Variants in RHPN2 observed in about 807,000 individuals in gnomAD.
The protein encoded by RHPN2 is rhophilin-2.
RHPN2 carries 40 observed loss-of-function variants against 79.0 expected under a neutral mutation model. That is an observed-to-expected ratio of 0.51 (90% CI 0.39 to 0.66). The LOEUF (loss-of-function observed/expected upper bound fraction) is 0.66, where lower values mean the gene tolerates loss of function less well. RHPN2 is among the 30% of genes least tolerant of loss of function. RHPN2 has a pLI of 0.00. For synonymous variants in RHPN2, 285 were observed against 363.5 expected (o/e 0.78, Z 2.46); for missense variants, 686 against 883.5 (o/e 0.78, Z 2.83).
chr19:32,990,123 A>C lies in RHPN2; in HGVS notation c.1800+391T>G, dbSNP rs1211469268. On this transcript the variant is annotated intron_variant, in intron 14 of 14. Transcript: ENST00000254260. Reference sequence around the variant, plus strand: ...CCGTCTCAAAAAAAAAATAAAATTAAAAAAGAAAATGAATAAAGAAAGAAA... The same window carrying C: ...CCGTCTCAAAAAAAAAATAAAATTACAAAAGAAAATGAATAAAGAAAGAAA... Among the ~76,000 whole-genome samples the C allele has an allele frequency of 7.3e-5, 11 of 150,206 alleles. 1 individual carries two copies. The highest frequency in any genetic ancestry group is 2.7e-4 in the African/African-American group (11 of 40,704).
intron 4 of RHPN2, 93 bp from the exon 5 acceptor site, chr19:33,012,817 A>C (rs1223770238): frequency 1.3e-6 from 1 of 744,284 alleles, no homozygotes; most frequent in Non-Finnish European, 2.4e-6. Context: ...CCATTTTTAA[A>C]AAGGCAGAAT....
At chr19:32,993,551 T>C (rs1203919525) in intron 12 of RHPN2, among the ~76,000 whole-genome samples, 1 of 152,094 alleles carries the variant, frequency 6.6e-6, no homozygotes, top group Non-Finnish European at 1.5e-5. Context: ...CCAAAGTTTG[T>C]ATATTAAAAT....
chr19:33,034,605 CAAA>C (rs71176187), intron 2 of RHPN2, among the ~76,000 whole-genome samples: 3 of 95,700 alleles, frequency 3.1e-5, no homozygotes, highest in Admixed American at 1.3e-4. Context: ...GACTCCGTCT[CAAA>C]AAAAAAAAAA....
intron 10 of RHPN2, among the ~76,000 whole-genome samples, chr19:32,997,504 T>C (rs954978104): frequency 3.3e-5 from 5 of 150,904 alleles, no homozygotes; most frequent in Admixed American, 3.3e-4. Context: ...TTTTTTTCTT[T>C]CTTGAGACGG....
intron 10 of RHPN2, among the ~76,000 whole-genome samples, chr19:32,998,917 G>A (rs1200424892): frequency 1.5e-5 from 2 of 134,246 alleles, no homozygotes; most frequent in Admixed American, 1.6e-4. Flanking sequence ...GAAGGGGAGC[G>A]GAGGGTAACA....
chr19:33,013,122 C>A (rs1971848739), intron 4 of RHPN2, among the ~76,000 whole-genome samples: 2 of 151,776 alleles, frequency 1.3e-5, no homozygotes, highest in African/African-American at 4.8e-5. Context: ...GTGATCCCCC[C>A]ACCTCGCCCT....
At chr19:33,030,570 G>A (rs1972003080) in intron 2 of RHPN2, among the ~76,000 whole-genome samples, 1 of 151,984 alleles carries the variant, frequency 6.6e-6, no homozygotes, top group Admixed American at 6.6e-5. Flanking sequence ...ACCAGCCTGG[G>A]TGACAGAGCA....
At chr19:32,987,927 T>A (rs1248076233) in intron 14 of RHPN2, among the ~76,000 whole-genome samples, 2 of 152,092 alleles carry the variant, frequency 1.3e-5, no homozygotes, top group African/African-American at 2.4e-5. Context: ...ATGCCTGTAA[T>A]CCCAACACTT....
At chr19:33,009,566 T>C (rs2145236701) in intron 6 of RHPN2, among the ~76,000 whole-genome samples, 1 of 152,246 alleles carries the variant, frequency 6.6e-6, no homozygotes, top group Non-Finnish European at 1.5e-5. Context: ...TCCTCCCATC[T>C]GAGCCTCCCA....
At chr19:33,029,200 C>T (rs915078355) in intron 2 of RHPN2, among the ~76,000 whole-genome samples, 1 of 151,684 alleles carries the variant, frequency 6.6e-6, no homozygotes, top group Non-Finnish European at 1.5e-5. Context: ...TAGCATGGTA[C>T]TGACATAAAG....
chr19:32,999,480 AC>A, intron 10 of RHPN2, 105 bp downstream of exon 10: 4 of 1,421,836 alleles, frequency 2.8e-6, no homozygotes, highest in Non-Finnish European at 3.9e-6. Context: ...GACTCGGAAC[AC>A]CCCCCTCTCC....
rs148422975 is a variant in RHPN2 at position 33,003,537 on chromosome 19, T to C, written c.761-537A>G. ...AATGACACTTGAACACCCGTGTTAA[T>C]AGCAACATTATTCACAAGAGCTGAA... On this transcript the variant is annotated intron_variant, in intron 7 of 14. Coordinates refer to ENST00000254260, the MANE Select transcript of RHPN2 (RefSeq NM_033103.5). Among the ~76,000 whole-genome samples the C allele has an allele frequency of 1.8e-3, 280 of 152,154 alleles. 1 individual carries two copies. The highest frequency in any genetic ancestry group is 6.4e-3 in the African/African-American group (264 of 41,528).
rs138598166 is a variant in RHPN2, at chr19:32,999,518, G to C, written c.1225+68C>G. Reference sequence around the variant, plus strand: ...GGGCCCTCTTCAGGGACCTCTCTGTGGCTGGCTGTGAGCAGGACCAGCTGG... The same window carrying C: ...GGGCCCTCTTCAGGGACCTCTCTGTCGCTGGCTGTGAGCAGGACCAGCTGG... On this transcript the variant is annotated intron_variant, in intron 10 of 14. Coordinates refer to ENST00000254260, the MANE Select transcript of RHPN2 (RefSeq NM_033103.5). 824 of 1,576,874 alleles carry C rather than the reference G, an allele frequency of 5.2e-4. 4 individuals carry two copies. The African/African-American group carries it at 0.01, about 20-fold the overall frequency.
At chr19:32,985,561 C>T (rs1971607739) in intron 14 of RHPN2, among the ~76,000 whole-genome samples, 1 of 152,092 alleles carries the variant, frequency 6.6e-6, no homozygotes, top group South Asian at 2.1e-4. Context: ...CACGTAAGCC[C>T]AAGAGTCAAG....
chr19:33,021,519 G>A (rs1179208682), intron 4 of RHPN2, 52 bp downstream of exon 4: 3 of 1,447,842 alleles, frequency 2.1e-6, no homozygotes, highest in Non-Finnish European at 2.9e-6. Context: ...ACTGCAAATG[G>A]CCTATTTCCA....
chr19:33,045,098 A>G (rs1219702031), intron 1 of RHPN2, among the ~76,000 whole-genome samples: 1 of 138,266 alleles, frequency 7.2e-6, no homozygotes, highest in African/African-American at 2.8e-5. Context: ...CGTGCCTAGG[A>G]TGCAGTGCAG....
chr19:33,036,583 T>C (rs1972057487), intron 2 of RHPN2, among the ~76,000 whole-genome samples: 2 of 152,154 alleles, frequency 1.3e-5, no homozygotes, highest in South Asian at 4.1e-4. Flanking sequence ...TGGGAGCCCC[T>C]TTCTGGGCTG....
chr19:33,000,393 G>T (rs533126846), intron 9 of RHPN2, among the ~76,000 whole-genome samples: 72 of 151,658 alleles, frequency 4.7e-4, no homozygotes, highest in African/African-American at 1.6e-3. Flanking sequence ...GCTAATTTTT[G>T]TATTTTTAGT....
intron 2 of RHPN2, among the ~76,000 whole-genome samples, chr19:33,033,573 TAA>T (rs1255163511): frequency 2.2e-5 from 3 of 135,168 alleles, no homozygotes; most frequent in Non-Finnish European, 4.8e-5. Flanking sequence ...TCAAAAAAAA[TAA>T]AAATTAAAAT....
Sources: allele counts gnomAD v4.1 joint callset (sites outside exome capture counted in the v4.1 genomes callset), GRCh38; gene constraint gnomAD v4.1.1; transcripts MANE v1.5; gene names NCBI Gene and HGNC (gene_info 2026-07-23, HGNC 2026-07-21).